The following C8orf34 variants were observed in gnomAD, a reference collection of about 807,000 sequenced individuals.
The protein encoded by C8orf34 is uncharacterized protein C8orf34.
A neutral mutation model predicts 68.3 loss-of-function variants in C8orf34; 65 were observed. The ratio of observed to expected loss-of-function variants is 0.95; its 90% CI spans 0.78 to 1.17. The LOEUF is 1.17. Among genes scored for constraint, C8orf34 ranks in the 50% most tolerant of loss-of-function variants. The pLI is 0.00. For missense variants in C8orf34, 664 were observed against 655.4 expected, an observed-to-expected ratio of 1.01 and a Z score of -0.14; for synonymous variants, 244 against 241.2, an observed-to-expected ratio of 1.01 and a Z score of -0.11.
At chr8:68,362,454 A>G (rs1245229748) in intron 1 of C8orf34, among the ~76,000 whole-genome samples, 1 of 152,236 alleles carries the variant, frequency 6.6e-6, no homozygotes, top group East Asian at 1.9e-4. Flanking sequence ...GCTCCAGTCT[A>G]CAGCTCCCAG....
At chr8:68,381,140 G>T (rs1054061437) in intron 1 of C8orf34, among the ~76,000 whole-genome samples, 2 of 152,140 alleles carry the variant, frequency 1.3e-5, no homozygotes, top group Non-Finnish European at 2.9e-5. Context: ...AATATTTTAA[G>T]AAGTACAAGA....
chr8:68,604,709 C>T (rs1402390756), intron 7 of C8orf34, among the ~76,000 whole-genome samples: 4 of 151,920 alleles, frequency 2.6e-5, no homozygotes, highest in African/African-American at 9.7e-5. Flanking sequence ...ACAATTAATT[C>T]AAAATGGGTC....
At chr8:68,639,928 G>A (rs1818954527) in intron 7 of C8orf34, among the ~76,000 whole-genome samples, 2 of 152,292 alleles carry the variant, frequency 1.3e-5, no homozygotes, top group South Asian at 2.1e-4. Context: ...CGTTAGAAAC[G>A]GAGGATTTAT....
At chr8:68,556,751 T>C (rs767083354) in intron 7 of C8orf34, among the ~76,000 whole-genome samples, 12 of 152,216 alleles carry the variant, frequency 7.9e-5, no homozygotes, top group Admixed American at 3.3e-4. Context: ...AAAGTTCTTG[T>C]GGATTTTAAA....
chr8:68,490,488 C>A (rs1446014007), intron 5 of C8orf34, among the ~76,000 whole-genome samples: 1 of 152,102 alleles, frequency 6.6e-6, no homozygotes, highest in African/African-American at 2.4e-5. Flanking sequence ...TGGCCTTCTC[C>A]CTCACACCCT....
In C8orf34 at chr8:68,331,303, T is replaced by C; in HGVS notation, c.291T>C (p.Ala97=). Residue 97 remains alanine (A), a synonymous_variant, in exon 1 of 14, where the codon GCT becomes GCC. Transcript: ENST00000518698. Reference sequence around the variant, plus strand: ...CTCATCCGCAAACCCGGATCCAGGCTTACCTGGAGAAGAACAAGATCGGTC... The same window carrying C: ...CTCATCCGCAAACCCGGATCCAGGCCTACCTGGAGAAGAACAAGATCGGTC... ...MASHPQTRIQ[A]YLEKNKIGPL... is the part of the protein sequence containing the mutation. The C allele has an allele frequency of 6.5e-7, 1 of 1,536,440 alleles. No individual in the cohort carries two copies. The highest frequency in any genetic ancestry group is 8.7e-7 in the Non-Finnish European group (1 of 1,146,970).
At chr8:68,416,589 T>C (rs1480030338) in intron 1 of C8orf34, among the ~76,000 whole-genome samples, 1 of 152,014 alleles carries the variant, frequency 6.6e-6, no homozygotes, top group Non-Finnish European at 1.5e-5. Flanking sequence ...TGGAGTGCAG[T>C]GGCACGATCT....
At chr8:68,729,823 G>A (rs533580680) in intron 10 of C8orf34, among the ~76,000 whole-genome samples, 31 of 152,066 alleles carry the variant, frequency 2.0e-4, no homozygotes, top group South Asian at 8.3e-4. Flanking sequence ...CACTGTACAC[G>A]CAACCCTGCC....
chr8:68,499,512 G>A (rs966907174), intron 5 of C8orf34, among the ~76,000 whole-genome samples: 6 of 152,160 alleles, frequency 3.9e-5, no homozygotes, highest in African/African-American at 1.4e-4. Context: ...GGTGAAGGAG[G>A]ATGCATAGTA....
intron 7 of C8orf34, among the ~76,000 whole-genome samples, chr8:68,639,520 T>C (rs1442230913): frequency 1.3e-5 from 2 of 152,112 alleles, no homozygotes; most frequent in African/African-American, 2.4e-5. Flanking sequence ...CAGAAGATGG[T>C]GATTTTCCTC....
chr8:68,549,472 G>A (rs1815993437), intron 7 of C8orf34, among the ~76,000 whole-genome samples: 1 of 151,526 alleles, frequency 6.6e-6, no homozygotes, highest in African/African-American at 2.4e-5. Context: ...AACTTTCTAT[G>A]GTGATGGAAA....
intron 1 of C8orf34, among the ~76,000 whole-genome samples, chr8:68,421,902 A>G (rs1809992322): frequency 6.6e-6 from 1 of 152,200 alleles, no homozygotes; most frequent in Non-Finnish European, 1.5e-5. Context: ...AGGTAGGAGG[A>G]GAGAGAATAA....
chr8:68,462,829 A>C (rs184832392), intron 3 of C8orf34, among the ~76,000 whole-genome samples: 317 of 152,290 alleles, frequency 2.1e-3, no homozygotes, highest in Non-Finnish European at 3.6e-3. Flanking sequence ...AATGCCCACA[A>C]AAGAAAGCAG....
chr8:68,465,233 A>T (rs1398927023), intron 3 of C8orf34, among the ~76,000 whole-genome samples: 1 of 152,026 alleles, frequency 6.6e-6, no homozygotes, highest in Non-Finnish European at 1.5e-5. Context: ...GAGAAATGCA[A>T]ATCAAAACTA....
At chr8:68,762,420 A>T (rs1156416789) in intron 10 of C8orf34, among the ~76,000 whole-genome samples, 2 of 152,250 alleles carry the variant, frequency 1.3e-5, no homozygotes, top group African/African-American at 4.8e-5. Context: ...ATTGTCAAAA[A>T]GTACCCAAGA....
chr8:68,733,742 T>C (rs1411685969), intron 10 of C8orf34, among the ~76,000 whole-genome samples: 24 of 152,186 alleles, frequency 1.6e-4, no homozygotes, highest in Admixed American at 1.6e-3. Context: ...AAAGCTTAAA[T>C]CATATTCACA....
At chr8:68,558,772 G>T (rs1386891157) in intron 7 of C8orf34, among the ~76,000 whole-genome samples, 2 of 152,094 alleles carry the variant, frequency 1.3e-5, no homozygotes, top group African/African-American at 2.4e-5. Flanking sequence ...AGCTGTTGAG[G>T]TCATTGATTA....
At chr8:68,733,412 G>C (rs1262272724) in intron 10 of C8orf34, among the ~76,000 whole-genome samples, 1 of 152,148 alleles carries the variant, frequency 6.6e-6, no homozygotes, top group Non-Finnish European at 1.5e-5. Flanking sequence ...AGGCAATGGA[G>C]AGTTAGCCTC....
At chr8:68,816,467 A>G (rs961403386) in intron 13 of C8orf34, among the ~76,000 whole-genome samples, 16 of 152,164 alleles carry the variant, frequency 1.1e-4, no homozygotes, top group Admixed American at 7.2e-4. Flanking sequence ...AGAAAAGCAA[A>G]GGTGTTGAGA....
Sources: gnomAD v4.1 joint callset for allele counts (sites outside exome capture counted in the v4.1 genomes callset) on GRCh38, gnomAD v4.1.1 for gene constraint, MANE v1.5 for transcripts, NCBI Gene and HGNC (gene_info 2026-07-23, HGNC 2026-07-21) for gene names.